Variants in RP1 observed in about 807,000 individuals in gnomAD.
RP1 encodes oxygen-regulated protein 1.
In RP1, 16 loss-of-function variants were observed where a neutral mutation model predicts 14.8. The ratio of observed to expected loss-of-function variants is 1.08; its 90% confidence interval spans 0.73 to 1.65. The LOEUF is 1.65. RP1 is among the 40% of genes most tolerant of loss of function. The pLI, the probability that RP1 is intolerant of heterozygous loss-of-function variation, is 0.00. For synonymous variants in RP1, 876 were observed against 883.6 expected (o/e 0.99, Z 0.15); for missense variants, 2,631 against 2,535.0 (o/e 1.04, Z -0.81).
intron 25 of RP1, among the ~76,000 whole-genome samples, chr8:54,844,251 T>C (rs965385540): frequency 6.6e-6 from 1 of 152,210 alleles, no homozygotes; most frequent in Non-Finnish European, 1.5e-5. Context: ...ATTGAGGACC[T>C]AGATAAATAT....
At chr8:54,852,630 T>C in exon 26 of RP1, 1 of 1,231,730 alleles carries the variant, frequency 8.1e-7, no homozygotes. Flanking sequence ...AGAAACAGAG[T>C]CTAATGTATT....
chr8:54,814,393 T>C (rs1217428909), intron 24 of RP1, among the ~76,000 whole-genome samples: 1 of 152,208 alleles, frequency 6.6e-6, no homozygotes, highest in Non-Finnish European at 1.5e-5. Context: ...AAAATAACTG[T>C]ACTGTCCCTT....
At chr8:54,679,310 A>G in intron 9 of RP1, 1 of 946,062 alleles carries the variant, frequency 1.1e-6, no homozygotes, top group Non-Finnish European at 1.6e-6. Context: ...CCAGATAGCC[A>G]CGTCTTTTCC....
intron 24 of RP1, among the ~76,000 whole-genome samples, chr8:54,812,811 C>CATCTA (rs1563383944): frequency 3.8e-4 from 43 of 113,432 alleles, no homozygotes; most frequent in African/African-American, 1.4e-3. Flanking sequence ...CTATCTATCT[C>CATCTA]TCCGTCTTCT....
At chr8:54,581,338 T>C (rs1250044776) in intron 1 of RP1, among the ~76,000 whole-genome samples, 1 of 152,224 alleles carries the variant, frequency 6.6e-6, no homozygotes, top group Non-Finnish European at 1.5e-5. Context: ...CATGAACTCA[T>C]CATTTTTTAT....
At chr8:54,730,711 C>T in intron 17 of RP1, among the ~76,000 whole-genome samples, 1 of 152,084 alleles carries the variant, frequency 6.6e-6, no homozygotes, top group East Asian at 1.9e-4. Flanking sequence ...AATGGGCAAG[C>T]ATGTTAGGAT....
intron 26 of RP1, among the ~76,000 whole-genome samples, chr8:54,856,789 G>A (rs936060034): frequency 1.4e-4 from 22 of 152,068 alleles, no homozygotes; most frequent in East Asian, 1.9e-4. Flanking sequence ...TCCTAATTAC[G>A]TTCTAAAAAT....
chr8:54,770,098 C>T (rs1035219307), downstream of RP1: 2 of 402,764 alleles, frequency 5.0e-6, no homozygotes, highest in Non-Finnish European at 8.8e-6. Context: ...CTGTTATTAA[C>T]TGCACTTCAC....
intron 1 of RP1, among the ~76,000 whole-genome samples, chr8:54,581,897 C>T (rs370088799): frequency 6.6e-6 from 1 of 152,132 alleles, no homozygotes; most frequent in African/African-American, 2.4e-5. Context: ...AGATTCTGGA[C>T]ATTAGCCCTT....
intron 11 of RP1, chr8:54,679,659 A>G: frequency 4.6e-6 from 7 of 1,529,652 alleles, no homozygotes; most frequent in Non-Finnish European, 5.3e-6. Flanking sequence ...AGATTATCTC[A>G]TATAAACAAT....
intron 28 of RP1, among the ~76,000 whole-genome samples, chr8:54,867,769 A>G (rs1812491631): frequency 6.6e-6 from 1 of 152,166 alleles, no homozygotes; most frequent in South Asian, 2.1e-4. Flanking sequence ...ACTAAGTTTT[A>G]CTTTTTAAAT....
intron 13 of RP1, among the ~76,000 whole-genome samples, chr8:54,700,729 T>C (rs1807993838): frequency 6.6e-6 from 1 of 152,222 alleles, no homozygotes; most frequent in Non-Finnish European, 1.5e-5. Context: ...GATTTCATTT[T>C]AGTTACTATG....
chr8:54,789,509 A>C (rs1810409351), intron 24 of RP1, among the ~76,000 whole-genome samples: 1 of 151,974 alleles, frequency 6.6e-6, no homozygotes, highest in Non-Finnish European at 1.5e-5. Flanking sequence ...AGTGACCTTG[A>C]CCAACTATGG....
Position 54,563,098 on chromosome 8 carries a change from C to CAG in RP1, c.-13+3793_-13+3794dup, listed in dbSNP as rs374741167. Among the ~76,000 whole-genome samples the CAG allele has an allele frequency of 7.6e-4, 115 of 150,744 alleles. 1 individual carries two copies. The highest frequency in any genetic ancestry group is 2.7e-3 in the East Asian group (14 of 5,156). On this transcript the variant is annotated intron_variant, in intron 1 of 22. Coordinates refer to the RP1 transcript ENST00000636932. ...GTTCCTCAAGCCTAAATCAGCTCTT[C>CAG]AGAGAGAGAGAGAGAGGAAAACATA... is the stretch of plus-strand genomic sequence containing the variant.
chr8:54,860,078 T>C (rs1812308160), intron 27 of RP1, among the ~76,000 whole-genome samples: 2 of 152,166 alleles, frequency 1.3e-5, no homozygotes, highest in Non-Finnish European at 2.9e-5. Context: ...ATTAGGCATT[T>C]ATTTGAAGAG....
At chr8:54,572,697 C>T (rs1804549416) in intron 1 of RP1, among the ~76,000 whole-genome samples, 1 of 152,174 alleles carries the variant, frequency 6.6e-6, no homozygotes, top group African/African-American at 2.4e-5. Context: ...CATGCTAGAT[C>T]TCTGTCTTGA....
intron 12 of RP1, among the ~76,000 whole-genome samples, chr8:54,691,695 A>G (rs1164269377): frequency 6.6e-6 from 1 of 152,052 alleles, no homozygotes; most frequent in African/African-American, 2.4e-5. Flanking sequence ...GGGACAAGGG[A>G]AAACTTCCCC....
At chr8:54,843,274 GT>G (rs2129405254) in intron 25 of RP1, among the ~76,000 whole-genome samples, 1 of 152,268 alleles carries the variant, frequency 6.6e-6, no homozygotes, top group African/African-American at 2.4e-5. Flanking sequence ...TAGAGACAGG[GT>G]TTTGCCACGT....
chr8:54,617,104 A>G (rs1805737892), intron 1 of RP1, among the ~76,000 whole-genome samples: 1 of 152,260 alleles, frequency 6.6e-6, no homozygotes, highest in African/African-American at 2.4e-5. Context: ...CTGTCATGTC[A>G]TTAGAAGCGG....
Sources: gnomAD v4.1 joint callset for allele counts (sites outside exome capture counted in the v4.1 genomes callset) on GRCh38, gnomAD v4.1.1 for gene constraint, MANE v1.5 for transcripts, NCBI Gene and HGNC (gene_info 2026-07-23, HGNC 2026-07-21) for gene names.